Variants in RGS1 observed in about 807,000 individuals in gnomAD.
RGS1 encodes the protein B-cell activation protein BL34.
In RGS1, 11 loss-of-function variants were observed where a neutral mutation model predicts 22.2. The ratio of observed to expected loss-of-function variants is 0.50; its 90% confidence interval spans 0.31 to 0.82. RGS1 has a LOEUF of 0.82. Ranked by LOEUF, RGS1 falls within the 40% of genes least tolerant of loss-of-function variation. RGS1 has a pLI of 0.04. For missense variants in RGS1, 255 were observed against 245.8 expected (o/e 1.04, Z -0.25); for synonymous variants, 81 against 79.9 (o/e 1.01, Z -0.07).
In RGS1 at chr1:192,579,429, G is replaced by C. The variant is rs2816308; in HGVS notation, c.*107G>C. 93,598 of 967,826 alleles carry C rather than the reference G, an allele frequency of 0.097. 7,355 individuals carry two copies. The highest frequency in any genetic ancestry group is 0.37 in the African/African-American group (22,319 of 59,618). The allele number at this position is 967,826 out of a possible 1,614,324, so 60.0% of individuals were successfully genotyped here. On this transcript the variant is annotated 3_prime_UTR_variant, in exon 5 of 5. Transcript: ENST00000367459. ...TGGCCTTTTTTGGGTGTCTTGACAG[G>C]CCAAGAAGAACAAATGACTCAGAAT...
intron 2 of RGS1, 32 bp downstream of exon 2, chr1:192,576,397 T>C (rs1662060434): frequency 6.8e-7 from 1 of 1,476,034 alleles, no homozygotes. Flanking sequence ...ACTATCATTA[T>C]CATTTACAAG....
At chr1:192,578,197 C>A in intron 3 of RGS1, 25 bp from the exon 4 acceptor site, 1 of 1,585,824 alleles carries the variant, frequency 6.3e-7, no homozygotes, top group Non-Finnish European at 8.6e-7. Context: ...AATTATCTCC[C>A]CACCCACCCC....
chr1:192,579,198 C>T lies in RGS1; in HGVS notation c.506C>T (p.Thr169Met), dbSNP rs181973067. 2.2e-5 allele frequency: 35 copies of T among 1,613,292 alleles called. 1 individual carries two copies. The East Asian group carries it at 4.9e-4, about 23-fold the overall frequency. ...TAKKIKAPTP[T>M]CFDEAQKVIY... is the part of the protein sequence containing the mutation. ...AAGAAGATTAAAGCACCAACCCCCA[C>T]GTGTTTTGATGAAGCACAAAAAGTC... is the stretch of plus-strand genomic sequence containing the variant. The change falls in exon 5 of 5, where the codon ACG becomes ATG. Residue 169 changes from threonine (T) to methionine (M), a missense_variant. Coordinates refer to ENST00000367459, the MANE Select transcript of RGS1 (RefSeq NM_002922.4).
chr1:192,579,486 T>C lies in RGS1; in HGVS notation c.*164T>C, dbSNP rs1662129411. The C allele has an allele frequency of 1.6e-5, 10 of 612,236 alleles. No homozygotes were observed. Among genetic ancestry groups the C allele is most frequent in the Non-Finnish European group, 2.8e-5 (10 of 358,950 alleles). 37.9% of individuals were successfully genotyped at this position (612,236 alleles called of 1,614,324 possible). On this transcript the variant is annotated 3_prime_UTR_variant, in exon 5 of 5. Transcript: ENST00000367459. ...ACATGAAAGTTATCCAGGCGCAGAG[T>C]TGAAGAAGCATAAGCAAGACAAAAA...
rs1028583509 is a variant in RGS1, at chr1:192,579,254, C to T, written c.562C>T (p.Pro188Ser). 2.5e-6 allele frequency: 4 copies of T among 1,613,090 alleles called. No homozygotes were observed. The highest frequency in any genetic ancestry group is 2.2e-5 in the East Asian group (1 of 44,846). The change falls in exon 5 of 5, where the codon CCC becomes TCC. Residue 188 changes from proline (P) to serine (S), a missense_variant. Transcript: ENST00000367459. ...TACTCTTATGGAAAAGGACTCTTAT[C>T]CCAGGTTCCTCAAATCAGATATTTA... ...IYTLMEKDSY[P>S]RFLKSDIYLN...
At chr1:192,576,106 GC>G in intron 1 of RGS1, 177 bp downstream of exon 1, 1 of 927,130 alleles carries the variant, frequency 1.1e-6, no homozygotes, top group South Asian at 1.8e-5. Context: ...TCTTGATATG[GC>G]ATTAAATTGG....
intron 4 of RGS1, 149 bp downstream of exon 4, chr1:192,578,534 G>A (rs1248582603): frequency 3.5e-6 from 3 of 858,552 alleles, no homozygotes; most frequent in African/African-American, 1.7e-5. Context: ...TCAGTGCAAT[G>A]AGAATCTAAT....
chr1:192,579,496 A>G lies in RGS1; in HGVS notation c.*174A>G, dbSNP rs1662129493. 8.5e-6 allele frequency: 5 copies of G among 586,084 alleles called. No homozygotes were observed. In the East Asian group the frequency reaches 1.5e-4, roughly 17 times the overall value. 36.3% of individuals were successfully genotyped at this position (586,084 alleles called of 1,614,324 possible). A position where few individuals can be genotyped will look rare whatever the true frequency, so the allele number is the denominator to read the frequency against. On this transcript the variant is annotated 3_prime_UTR_variant, in exon 5 of 5. Transcript: ENST00000367459. ...TATCCAGGCGCAGAGTTGAAGAAGCATAAGCAAGACAAAAACAGAGAGACC... is the reference window on the plus strand; with the variant it reads ...TATCCAGGCGCAGAGTTGAAGAAGCGTAAGCAAGACAAAAACAGAGAGACC...
rs144803737 is a variant in RGS1 at position 192,576,320 on chromosome 1, T to G, written c.173T>G (p.Ile58Ser). The change falls in exon 2 of 5, where the codon ATC becomes AGC. Residue 58 changes from isoleucine (I) to serine (S), a missense_variant. Transcript: ENST00000367459. ...MDMKAYLRSM[I>S]PHLESGMKSS... The stretch of plus-strand genomic sequence containing the variant: ...ATGAAAGCATACCTGAGATCTATGA[T>G]CCCACATCTGGAATCTGGAATGAAA... The G allele has an allele frequency of 6.2e-7, 1 of 1,611,468 alleles. No individual in the cohort carries two copies. The highest frequency in any genetic ancestry group is 8.5e-7 in the Non-Finnish European group (1 of 1,178,264).
At chr1:192,576,947 G>C in intron 3 of RGS1, 112 bp downstream of exon 3, 4 of 906,614 alleles carry the variant, frequency 4.4e-6, no homozygotes, top group South Asian at 1.8e-5. Context: ...TTGTATTCTA[G>C]TTTGTCTGTA....
At chr1:192,577,533 T>C (rs1210576468) in intron 3 of RGS1, 1 of 152,230 alleles carries the variant, frequency 6.6e-6, no homozygotes, top group Non-Finnish European at 1.5e-5. Context: ...TTTTCAGAGG[T>C]GTAGATGAGC....
Position 192,579,976 on chromosome 1 carries a change from A to G in RGS1, c.*654A>G, listed in dbSNP as rs1329010726. 2 of 152,174 alleles carry G rather than the reference A, an allele frequency of 1.3e-5. No individual in the cohort carries two copies. The highest frequency in any genetic ancestry group is 6.6e-5 in the Admixed American group (1 of 15,256). The allele number at this position is 152,174 out of a possible 1,614,324, so 9.4% of individuals were successfully genotyped here. A position where few individuals can be genotyped will look rare whatever the true frequency, so the allele number is the denominator to read the frequency against. ...TTACATGTCCTTGCTACTTTTAAAA[A>G]CTTGCATTTATTCCTCAGATTTTAA... is the stretch of plus-strand genomic sequence containing the variant. On this transcript the variant is annotated 3_prime_UTR_variant, in exon 5 of 5. Coordinates refer to ENST00000367459, the MANE Select transcript of RGS1 (RefSeq NM_002922.4).
Position 192,575,798 on chromosome 1 carries a change from C to T in RGS1, c.6C>T (p.Arg2=), listed in dbSNP as rs757066163. ...GCATATTTGCTAAGAGCACCATGCG[C>T]GCAGCAGCCATCTCCACTCCAAAGT... is the stretch of plus-strand genomic sequence containing the variant. M[R]AAAISTPKLD... is the part of the protein sequence containing the mutation. Residue 2 remains arginine, a synonymous_variant, in exon 1 of 5, where the codon CGC becomes CGT. Transcript: ENST00000367459. The T allele has an allele frequency of 1.5e-5, 25 of 1,612,930 alleles. No individual in the cohort carries two copies. Among genetic ancestry groups the T allele is most frequent in the Admixed American group, 5.0e-5 (3 of 59,924 alleles).
intron 1 of RGS1, 30 bp downstream of exon 1, chr1:192,575,959 AT>A (rs1339376018): frequency 4.3e-6 from 7 of 1,609,898 alleles, no homozygotes; most frequent in Non-Finnish European, 5.9e-6. Flanking sequence ...CACTTTGTGA[AT>A]TTTAACAAGT....
rs759173439 is a variant in RGS1 at position 192,576,324 on chromosome 1, A to C, written c.177A>C (p.Pro59=). ...DMKAYLRSMI[P]HLESGMKSSK... ...AAGCATACCTGAGATCTATGATCCC[A>C]CATCTGGAATCTGGAATGAAATCTT... Residue 59 remains proline, a synonymous_variant, in exon 2 of 5, where the codon CCA becomes CCC. Transcript: ENST00000367459. The C allele has an allele frequency of 5.5e-5, 89 of 1,611,538 alleles. No homozygotes were observed. The highest frequency in any genetic ancestry group is 7.2e-5 in the Non-Finnish European group (85 of 1,178,270).
At chr1:192,578,823 G>T (rs1456670211) in intron 4 of RGS1, 4 of 360,536 alleles carry the variant, frequency 1.1e-5, no homozygotes, top group Non-Finnish European at 1.5e-5. Flanking sequence ...TTCTTCTCCT[G>T]TAAATCTTAA....
chr1:192,576,770 G>A lies in RGS1; in HGVS notation c.219-4G>A, dbSNP rs370009315. On this transcript the variant is annotated splice_region_variant and splice_polypyrimidine_tract_variant and intron_variant, in intron 2 of 4. Coordinates refer to ENST00000367459, the MANE Select transcript of RGS1 (RefSeq NM_002922.4). The stretch of plus-strand genomic sequence containing the variant: ...CTAATGTATGTACATTTTGTCCCCT[G>A]CAGACTTTCTGCTGCTGAAGTAATG... 40 of 1,609,860 alleles carry A rather than the reference G, an allele frequency of 2.5e-5. No individual in the cohort carries two copies. The African/African-American group carries it at 5.0e-4, about 20-fold the overall frequency.
At chr1:192,576,928 T>C in intron 3 of RGS1, 93 bp downstream of exon 3, 4 of 1,078,530 alleles carry the variant, frequency 3.7e-6, no homozygotes, top group South Asian at 1.5e-5. Context: ...TAGGATAGTA[T>C]GCAAAAGGTT....
intron 4 of RGS1, 76 bp downstream of exon 4, chr1:192,578,461 C>T: frequency 6.6e-7 from 1 of 1,515,054 alleles, no homozygotes; most frequent in Non-Finnish European, 9.0e-7. Context: ...ATATATACAA[C>T]AAGATAAAAT....
Sources: allele counts gnomAD v4.1 joint callset, GRCh38; gene constraint gnomAD v4.1.1; transcripts MANE v1.5; gene names NCBI Gene and HGNC (gene_info 2026-07-23, HGNC 2026-07-21).